Variants in AKR1E2 observed in about 807,000 individuals in gnomAD.
AKR1E2 encodes the protein 1,5-anhydro-D-fructose reductase.
AKR1E2 carries 43 observed loss-of-function variants against 41.9 expected under a neutral mutation model. The observed-to-expected ratio is 1.03, with a 90% confidence interval of 0.80 to 1.32. The LOEUF is 1.32. AKR1E2 is among the 40% of genes most tolerant of loss of function. AKR1E2 has a pLI of 0.00. For missense variants in AKR1E2, 423 were observed against 396.5 expected, an observed-to-expected ratio of 1.07 and a Z score of -0.57; for synonymous variants, 121 against 138.9, an observed-to-expected ratio of 0.87 and a Z score of 0.91.
At chr10:4,851,606 G>T (rs148146130), downstream of AKR1E2, among the ~76,000 whole-genome samples, 1 of 152,176 alleles carries the variant, frequency 6.6e-6, no homozygotes, top group East Asian at 1.9e-4. Context: ...GTACTAACTC[G>T]ATGCTTTCTG....
the AKR1E2 span, among the ~76,000 whole-genome samples, chr10:4,871,709 G>A: frequency 6.6e-6 from 1 of 151,306 alleles, no homozygotes; most frequent in Non-Finnish European, 1.5e-5. Context: ...TGGGGGTGGG[G>A]TGGGGGCGGG....
the AKR1E2 span, among the ~76,000 whole-genome samples, chr10:4,854,314 T>G: frequency 2.0e-5 from 3 of 152,026 alleles, no homozygotes; most frequent in Admixed American, 1.3e-4. Flanking sequence ...GGCTGGTCTT[T>G]AACTCCTGAC....
At chr10:4,843,559 C>T (rs763352754) in intron 8 of AKR1E2, among the ~76,000 whole-genome samples, 1 of 152,226 alleles carries the variant, frequency 6.6e-6, no homozygotes, top group East Asian at 1.9e-4. Context: ...CCCATGAGCT[C>T]CACAAGGCAC....
At chr10:4,853,831 G>A in the AKR1E2 span, among the ~76,000 whole-genome samples, 1 of 152,196 alleles carries the variant, frequency 6.6e-6, no homozygotes. Context: ...TAAAGACCTT[G>A]CTGATAAAAC....
In AKR1E2 at chr10:4,839,711, G is replaced by C; in HGVS notation, c.583-18G>C. The C allele has an allele frequency of 6.2e-7, 1 of 1,605,914 alleles. No homozygotes were observed. Among genetic ancestry groups the C allele is most frequent in the Non-Finnish European group, 8.5e-7 (1 of 1,172,622 alleles). ...CACTAGTGGTCTGAATTTTATGTAA[G>C]CTATGATTCTGTTATAGATTGAGTG... On this transcript the variant is annotated intron_variant, in intron 5 of 9. Transcript: ENST00000298375.
At position 4,826,224 on chromosome 10, in the gene AKR1E2, G is replaced by C; in HGVS notation, c.-101G>C. 1.0e-6 allele frequency: 1 copy of C among 967,312 alleles called. No individual in the cohort carries two copies. The highest frequency in any genetic ancestry group is 1.3e-6 in the Non-Finnish European group (1 of 745,398). The allele number at this position is 967,312 out of a possible 1,614,324, so 59.9% of individuals were successfully genotyped here. A position where few individuals can be genotyped will look rare whatever the true frequency, so the allele number is the denominator to read the frequency against. ...TGTCAGCCGTCACAAGGCACTTCCAGCCAGTCGCAACGGCGGGTCGCCAGC... is the reference window on the plus strand; with the variant it reads ...TGTCAGCCGTCACAAGGCACTTCCACCCAGTCGCAACGGCGGGTCGCCAGC... On this transcript the variant is annotated 5_prime_UTR_variant, in exon 1 of 10. Coordinates refer to ENST00000298375, the MANE Select transcript of AKR1E2 (RefSeq NM_001040177.3).
intron 3 of AKR1E2, among the ~76,000 whole-genome samples, chr10:4,834,849 T>A (rs1465126376): frequency 6.6e-6 from 1 of 152,200 alleles, no homozygotes; most frequent in Non-Finnish European, 1.5e-5. Flanking sequence ...TTCTGGCCAG[T>A]AGGAACTGCT....
the AKR1E2 span, among the ~76,000 whole-genome samples, chr10:4,873,093 C>T: frequency 2.0e-5 from 3 of 152,118 alleles, no homozygotes; most frequent in Admixed American, 1.3e-4. Context: ...CATGTGTCGT[C>T]GGAGGAACCC....
chr10:4,841,829 C>T lies in AKR1E2; in HGVS notation c.725C>T (p.Ala242Val), dbSNP rs750266899. The T allele has an allele frequency of 3.7e-6, 6 of 1,613,422 alleles. No individual in the cohort carries two copies. Among genetic ancestry groups the T allele is most frequent in the African/African-American group, 1.3e-5 (1 of 74,888 alleles). Residue 242 changes from alanine to valine, a missense_variant, in exon 7 of 10, where the codon GCA becomes GTA. Ala to Val is a moderately conservative substitution (Grantham distance 64). Transcript: ENST00000298375. ...GACAACCCTGTGATCAAGAGGATTG[C>T]AAAGGAGCACGGCAAGTCTCCTGCT... ...LIDNPVIKRI[A>V]KEHGKSPAQI...
At chr10:4,832,293 ATGT>A (rs1342561231) in intron 2 of AKR1E2, among the ~76,000 whole-genome samples, 3 of 152,282 alleles carry the variant, frequency 2.0e-5, no homozygotes, top group African/African-American at 7.2e-5. Flanking sequence ...TCAAGATTCA[ATGT>A]TGTTTCTATA....
chr10:4,857,855 T>A, the AKR1E2 span, among the ~76,000 whole-genome samples: 1 of 152,252 alleles, frequency 6.6e-6, no homozygotes, highest in East Asian at 1.9e-4. Context: ...TGATTTCAGT[T>A]GAGTCTTATC....
At position 4,839,792 on chromosome 10, in the gene AKR1E2, T is replaced by C; in HGVS notation, c.646T>C (p.Ser216Pro). 1 of 1,614,178 alleles carries C rather than the reference T, an allele frequency of 6.2e-7. No homozygotes were observed. The change falls in exon 6 of 10, where the codon TCC becomes CCC. Residue 216 changes from serine to proline, a missense_variant. Coordinates refer to ENST00000298375, the MANE Select transcript of AKR1E2 (RefSeq NM_001040177.3). ...LISFCQSRDV[S>P]VTAYRPLGGS... ...CAGTTTTTGCCAATCCAGAGATGTG[T>C]CCGTGACTGCTTACCGTCCTCTTGG...
rs773847935 is a variant in AKR1E2, at chr10:4,833,349, GC to G, written c.208del (p.Leu70CysfsTer22). ...TGACGCTGGTCCCCTCTCCTTTGTA[GC>G]TGTGGTGCACCTGCCATAAGAAGTC... is the stretch of plus-strand genomic sequence containing the variant. ...RREDLFIATK[L>X]WCTCHKKSLV... On this transcript the variant is annotated frameshift_variant and splice_region_variant, in exon 3 of 10. Coordinates refer to ENST00000298375, the MANE Select transcript of AKR1E2 (RefSeq NM_001040177.3). LOFTEE classifies it high-confidence loss of function. 4 of 1,613,478 alleles carry G rather than the reference GC, an allele frequency of 2.5e-6. No individual in the cohort carries two copies. Among genetic ancestry groups the G allele is most frequent in the Non-Finnish European group, 2.5e-6 (3 of 1,179,414 alleles).
chr10:4,845,712 C>A, intron 8 of AKR1E2: 1 of 470,932 alleles, frequency 2.1e-6, no homozygotes, highest in Non-Finnish European at 4.4e-6. Context: ...ATCCCCATGG[C>A]CTAGCAAAAG....
chr10:4,865,180 G>A, the AKR1E2 span, among the ~76,000 whole-genome samples: 1 of 152,114 alleles, frequency 6.6e-6, no homozygotes, highest in African/African-American at 2.4e-5. Context: ...TAACCATACT[G>A]CAAGAAAAAC....
chr10:4,846,743 A>G (rs1053485410), intron 8 of AKR1E2, among the ~76,000 whole-genome samples: 1 of 152,034 alleles, frequency 6.6e-6, no homozygotes, highest in African/African-American at 2.4e-5. Context: ...ATGGGGTTTC[A>G]CCATATTGGC....
intron 2 of AKR1E2, among the ~76,000 whole-genome samples, chr10:4,831,072 A>G (rs189965207): frequency 6.6e-6 from 1 of 152,242 alleles, no homozygotes; most frequent in African/African-American, 2.4e-5. Flanking sequence ...TTAACAATAC[A>G]TTATCAAAAT....
At chr10:4,835,851 G>A (rs1452088231) in intron 4 of AKR1E2, 42 bp downstream of exon 4, 20 of 1,607,992 alleles carry the variant, frequency 1.2e-5, no homozygotes, top group Non-Finnish European at 1.6e-5. Context: ...TCCTGTGTGG[G>A]TCTCCACCCA....
the AKR1E2 span, among the ~76,000 whole-genome samples, chr10:4,858,052 G>T: frequency 6.6e-6 from 1 of 151,506 alleles, no homozygotes. Flanking sequence ...TCTTTTTCTA[G>T]TTCCTTAGGA....
Sources: gnomAD v4.1 joint callset for allele counts (sites outside exome capture counted in the v4.1 genomes callset) on GRCh38, gnomAD v4.1.1 for gene constraint, MANE v1.5 for transcripts, NCBI Gene and HGNC (gene_info 2026-07-23, HGNC 2026-07-21) for gene names.